The following SORBS2 variants were observed in gnomAD, a reference collection of about 807,000 sequenced individuals.
The protein encoded by SORBS2 is sorbin and SH3 domain containing 2.
In SORBS2, 46 loss-of-function variants were observed where a neutral mutation model predicts 97.7. That is an observed-to-expected ratio of 0.47 (90% CI 0.37 to 0.60). The LOEUF (loss-of-function observed/expected upper bound fraction) is 0.60. Among genes scored for constraint, SORBS2 ranks in the 20% least tolerant of loss-of-function variants. The pLI, the probability that SORBS2 is intolerant of heterozygous loss-of-function variation, is 0.00. For missense variants in SORBS2, 1,316 were observed against 1,282.3 expected, an observed-to-expected ratio of 1.03 and a Z score of -0.40; for synonymous variants, 476 against 473.4, an observed-to-expected ratio of 1.01 and a Z score of -0.07.
At chr4:185,716,120 G>A (rs1448811107) in intron 2 of SORBS2, among the ~76,000 whole-genome samples, 1 of 152,226 alleles carries the variant, frequency 6.6e-6, no homozygotes, top group Admixed American at 6.5e-5. Flanking sequence ...TCCTGATTAT[G>A]GGCTACTTTT....
chr4:185,819,154 G>GA (rs1332275131), intron 1 of SORBS2, among the ~76,000 whole-genome samples: 2 of 152,342 alleles, frequency 1.3e-5, no homozygotes, highest in East Asian at 3.9e-4. Context: ...GCTTACAAGA[G>GA]ACAGAGCTAT....
At chr4:185,597,376 G>A (rs780599496) in intron 12 of SORBS2, among the ~76,000 whole-genome samples, 1 of 152,100 alleles carries the variant, frequency 6.6e-6, no homozygotes, top group Non-Finnish European at 1.5e-5. Flanking sequence ...TACACAGAGA[G>A]CTGGGACACT....
intron 1 of SORBS2, among the ~76,000 whole-genome samples, chr4:185,779,886 CA>C (rs2099018903): frequency 6.6e-6 from 1 of 151,954 alleles, no homozygotes; most frequent in Admixed American, 6.6e-5. Context: ...ATTGAAACAG[CA>C]GTCAGATTCT....
chr4:185,843,145 C>A (rs935599334), intron 1 of SORBS2, among the ~76,000 whole-genome samples: 1 of 151,980 alleles, frequency 6.6e-6, no homozygotes, highest in African/African-American at 2.4e-5. Flanking sequence ...CTTTGTAGAA[C>A]AACTACCCTG....
At chr4:185,632,631 C>T (rs2096927208) in intron 4 of SORBS2, among the ~76,000 whole-genome samples, 1 of 152,072 alleles carries the variant, frequency 6.6e-6, no homozygotes, top group Non-Finnish European at 1.5e-5. Flanking sequence ...TTTCGTGGGA[C>T]ACCCTCACAC....
At chr4:185,939,908 C>T (rs1234189818) in intron 1 of SORBS2, among the ~76,000 whole-genome samples, 4 of 152,174 alleles carry the variant, frequency 2.6e-5, no homozygotes, top group African/African-American at 4.8e-5. Context: ...ATCATAGTCA[C>T]CAACACTCTC....
At chr4:185,605,223 T>G (rs1210268591) in intron 12 of SORBS2, among the ~76,000 whole-genome samples, 1 of 152,244 alleles carries the variant, frequency 6.6e-6, no homozygotes, top group Non-Finnish European at 1.5e-5. Flanking sequence ...ATTTCATAAT[T>G]TCTATAATTG....
At chr4:185,916,595 C>T (rs944199297) in intron 1 of SORBS2, among the ~76,000 whole-genome samples, 2 of 152,184 alleles carry the variant, frequency 1.3e-5, no homozygotes, top group Non-Finnish European at 2.9e-5. Context: ...GCCCAAGATA[C>T]GACACTCCCA....
intron 3 of SORBS2, 43 bp from the exon 13 acceptor site, chr4:185,646,825 G>T: frequency 2.6e-6 from 3 of 1,151,578 alleles, no homozygotes; most frequent in Non-Finnish European, 3.9e-6. Context: ...AATCCTTTTT[G>T]CTTAAAGCAA....
intron 1 of SORBS2, among the ~76,000 whole-genome samples, chr4:185,860,354 G>A (rs1312721011): frequency 6.6e-6 from 1 of 152,222 alleles, no homozygotes; most frequent in African/African-American, 2.4e-5. Flanking sequence ...TCGATAATGA[G>A]TGCCATGCAG....
intron 2 of SORBS2, among the ~76,000 whole-genome samples, chr4:185,719,112 A>AAC (rs2098490261): frequency 6.6e-6 from 1 of 152,250 alleles, no homozygotes; most frequent in Non-Finnish European, 1.5e-5. Flanking sequence ...CTGTTGTATA[A>AAC]AGAAAGGTAT....
In SORBS2 at chr4:185,642,404, ATT is replaced by A. The variant is rs372864873; in HGVS notation, c.396+4262_396+4263del. Among the ~76,000 whole-genome samples, 904 of 148,942 alleles carry A rather than the reference ATT, an allele frequency of 6.1e-3. 6 individuals are homozygous for A. Among genetic ancestry groups the A allele is most frequent in the African/African-American group, 0.02 (814 of 40,760 alleles). On this transcript the variant is annotated intron_variant, in intron 4 of 14. Coordinates refer to ENST00000418609, the Ensembl canonical transcript of SORBS2. ...GAGGTCCTAAACAAATGCTTTATTA[ATT>A]TTTTTTTTTAAATTTAACATTACTC...
chr4:185,900,470 C>A (rs1440311662), intron 1 of SORBS2, among the ~76,000 whole-genome samples: 1 of 152,024 alleles, frequency 6.6e-6, no homozygotes, highest in African/African-American at 2.4e-5. Flanking sequence ...ACATTCCATG[C>A]ATAAAATAAT....
At chr4:185,814,982 G>A (rs1044452788) in intron 1 of SORBS2, among the ~76,000 whole-genome samples, 6 of 152,228 alleles carry the variant, frequency 3.9e-5, no homozygotes, top group African/African-American at 1.4e-4. Context: ...GCTAGATACA[G>A]ATTTCCAAGA....
At chr4:185,809,855 C>T (rs1030998972) in intron 1 of SORBS2, among the ~76,000 whole-genome samples, 1 of 152,166 alleles carries the variant, frequency 6.6e-6, no homozygotes, top group Non-Finnish European at 1.5e-5. Context: ...TATTTCTACA[C>T]CTCATTCTTC....
intron 1 of SORBS2, among the ~76,000 whole-genome samples, chr4:185,778,474 C>T (rs2099011174): frequency 6.6e-6 from 1 of 152,140 alleles, no homozygotes; most frequent in Non-Finnish European, 1.5e-5. Flanking sequence ...CCCACCCAGA[C>T]CTACTGAGCC....
chr4:185,872,466 T>C (rs2099230935), intron 1 of SORBS2, among the ~76,000 whole-genome samples: 1 of 152,158 alleles, frequency 6.6e-6, no homozygotes, highest in Non-Finnish European at 1.5e-5. Flanking sequence ...CCAACATCTG[T>C]GCGCGTGGAA....
chr4:185,623,312 C>G lies in SORBS2; in HGVS notation c.1817G>C (p.Ser606Thr). ...TTTTTTCCTCCGGAAAGGCACAGGA[C>G]TGACTAGAAAAGCAAGTTTAGAAAG... Residue 606 changes from serine (S) to threonine (T), a missense_variant, in exon 7 of 15, where the codon AGT becomes ACT. Physicochemically the swap from Ser to Thr is moderately conservative, Grantham distance 58. Coordinates refer to ENST00000418609, the Ensembl canonical transcript of SORBS2. This position sits in a 1 kb window ranked among gnomAD's most constrained non-coding sequence, Gnocchi z 6.4. 1 of 1,614,124 alleles carries G rather than the reference C, an allele frequency of 6.2e-7. No homozygotes were observed. The highest frequency in any genetic ancestry group is 8.5e-7 in the Non-Finnish European group (1 of 1,180,028).
rs192039761 is a variant in SORBS2, at chr4:185,670,177, C to A, written c.-45-7935G>T. 2.2e-4 allele frequency among the ~76,000 whole-genome samples: 33 copies of A among 152,078 alleles called. No individual in the cohort carries two copies. The East Asian group carries it at 6.4e-3, about 29-fold the overall frequency. On this transcript the variant is annotated intron_variant, in intron 4 of 20. Transcript: ENST00000284776. ...GAGGTTGCAGTGGGCCGAGATCACA[C>A]CACTGCACTCCAGCCTGGGTGACAG...
Sources: gnomAD v4.1 joint callset for allele counts (sites outside exome capture counted in the v4.1 genomes callset) on GRCh38, gnomAD v4.1.1 for gene constraint, Gnocchi (gnomAD v3.1) non-coding constraint, MANE v1.5 for transcripts, NCBI Gene and HGNC (gene_info 2026-07-23, HGNC 2026-07-21) for gene names.